FMNL2: variants seen among roughly 807,000 people sequenced by gnomAD.
FMNL2 encodes the protein formin-like protein 2.
FMNL2 carries 51 observed loss-of-function variants against 130.2 expected under a neutral mutation model. That is an observed-to-expected ratio of 0.39 (90% CI 0.31 to 0.49). The LOEUF is 0.49. FMNL2 is among the 20% of genes least tolerant of loss of function. The pLI, the probability that FMNL2 is intolerant of heterozygous loss-of-function variation, is 0.85. For missense variants in FMNL2, 977 were observed against 1,316.2 expected (o/e 0.74, Z 3.99); for synonymous variants, 465 against 467.1 (o/e 1.00, Z 0.06).
chr2:152,355,664 C>A lies in FMNL2; in HGVS notation c.117+19944C>A, dbSNP rs548357653. Among the ~76,000 whole-genome samples, 12 of 152,294 alleles carry A rather than the reference C, an allele frequency of 7.9e-5. No homozygotes were observed. In the South Asian group the frequency reaches 2.5e-3, roughly 32 times the overall value. On this transcript the variant is annotated intron_variant, in intron 1 of 25. Coordinates refer to ENST00000288670, the MANE Select transcript of FMNL2 (RefSeq NM_052905.4). ...CCTTTTCATCTCTCTTTTGTACAGG[C>A]CTTCTTTCCTTCTGTGCAAACAGAC...
intron 9 of FMNL2, among the ~76,000 whole-genome samples, chr2:152,596,250 A>G (rs1200198537): frequency 6.6e-6 from 1 of 152,090 alleles, no homozygotes. Context: ...GGCATGAGCC[A>G]CTGAGCCCGG....
At chr2:152,413,954 T>G (rs961333301) in intron 1 of FMNL2, among the ~76,000 whole-genome samples, 2 of 152,222 alleles carry the variant, frequency 1.3e-5, no homozygotes, top group Non-Finnish European at 2.9e-5. Flanking sequence ...TTCTTCTTCC[T>G]CACTGTCTTT....
At chr2:152,460,708 T>G (rs923976164) in intron 1 of FMNL2, among the ~76,000 whole-genome samples, 10 of 152,266 alleles carry the variant, frequency 6.6e-5, no homozygotes, top group African/African-American at 2.2e-4. Context: ...CAGCATTAGA[T>G]TCTCATAGGA....
intron 1 of FMNL2, among the ~76,000 whole-genome samples, chr2:152,370,828 T>TA (rs1245287880): frequency 1.3e-5 from 2 of 152,226 alleles, no homozygotes; most frequent in Non-Finnish European, 2.9e-5. Flanking sequence ...GGCTTAAAAC[T>TA]ATGGTAAATA....
intron 1 of FMNL2, among the ~76,000 whole-genome samples, chr2:152,412,482 A>G (rs1245322533): frequency 1.1e-5 from 1 of 90,034 alleles, no homozygotes; most frequent in Non-Finnish European, 2.1e-5. Context: ...ATATATATAT[A>G]TATATATATA....
chr2:152,563,688 T>G (rs1695656495), intron 6 of FMNL2, among the ~76,000 whole-genome samples: 1 of 152,162 alleles, frequency 6.6e-6, no homozygotes, highest in African/African-American at 2.4e-5. Flanking sequence ...GCTTTCTTTT[T>G]ACCATCCTCC....
At chr2:152,520,086 T>G (rs957988691) in intron 1 of FMNL2, among the ~76,000 whole-genome samples, 1 of 152,198 alleles carries the variant, frequency 6.6e-6, no homozygotes, top group African/African-American at 2.4e-5. Flanking sequence ...GAGTTTTTTT[T>G]TAACATTGTC....
intron 1 of FMNL2, among the ~76,000 whole-genome samples, chr2:152,351,444 T>A (rs4664571): frequency 0.091 from 13,886 of 152,252 alleles, 740 homozygotes; most frequent in African/African-American, 0.15. Flanking sequence ...GAGTGAGAAC[T>A]TGTGGCATTT....
At chr2:152,541,472 G>A (rs972327853) in intron 2 of FMNL2, among the ~76,000 whole-genome samples, 1 of 152,010 alleles carries the variant, frequency 6.6e-6, no homozygotes, top group South Asian at 2.1e-4. Context: ...AGTTAAGCCC[G>A]AGAACCAGCA....
At chr2:152,525,735 G>A (rs1479581568) in intron 2 of FMNL2, among the ~76,000 whole-genome samples, 2 of 152,176 alleles carry the variant, frequency 1.3e-5, no homozygotes, top group African/African-American at 4.8e-5. Flanking sequence ...AGGTCAGACT[G>A]CATCTCTCCA....
intron 20 of FMNL2, 113 bp from the exon 21 acceptor site, chr2:152,631,895 G>T: frequency 8.3e-7 from 1 of 1,197,726 alleles, no homozygotes; most frequent in Non-Finnish European, 1.1e-6. Flanking sequence ...GCTCCAGCCT[G>T]TTGGGCGACT....
rs140675991 is a variant in FMNL2 at position 152,429,766 on chromosome 2, A to G, written c.118-92177A>G. ...AATTGACACAGTATGATGGGGATCT[A>G]AGACCTGCTTTTGTGCCTGGGAGCC... On this transcript the variant is annotated intron_variant, in intron 1 of 25. Transcript: ENST00000288670. Among the ~76,000 whole-genome samples, 678 of 152,324 alleles carry G rather than the reference A, an allele frequency of 4.5e-3. 5 individuals carry two copies. The highest frequency in any genetic ancestry group is 0.015 in the African/African-American group (641 of 41,580).
chr2:152,455,612 A>G (rs904400397), intron 1 of FMNL2, among the ~76,000 whole-genome samples: 1 of 152,236 alleles, frequency 6.6e-6, no homozygotes, highest in Non-Finnish European at 1.5e-5. Context: ...TGAATACAAC[A>G]CAGTTCTTCA....
chr2:152,472,425 C>T (rs1322787411), intron 1 of FMNL2, among the ~76,000 whole-genome samples: 1 of 151,998 alleles, frequency 6.6e-6, no homozygotes, highest in Admixed American at 6.6e-5. Context: ...TTTAAAAGAA[C>T]TCATTTTATT....
chr2:152,530,583 C>T (rs1029517539), intron 2 of FMNL2, among the ~76,000 whole-genome samples: 6 of 152,164 alleles, frequency 3.9e-5, no homozygotes, highest in African/African-American at 4.8e-5. Flanking sequence ...AAGACCACCA[C>T]GCTTCAGAAA....
At chr2:152,525,892 C>T (rs1324626500) in intron 2 of FMNL2, among the ~76,000 whole-genome samples, 2 of 152,098 alleles carry the variant, frequency 1.3e-5, no homozygotes, top group Non-Finnish European at 2.9e-5. Context: ...TGACCCATAC[C>T]ATATACATGT....
At chr2:152,578,799 T>G in intron 7 of FMNL2, 89 bp from the exon 8 acceptor site, 1 of 988,994 alleles carries the variant, frequency 1.0e-6, no homozygotes, top group East Asian at 2.6e-5. Flanking sequence ...GGTAGATACT[T>G]CGGGTTTTTG....
At chr2:152,496,003 T>TAAA (rs10624832) in intron 1 of FMNL2, among the ~76,000 whole-genome samples, 10 of 151,976 alleles carry the variant, frequency 6.6e-5, no homozygotes, top group African/African-American at 2.2e-4. Flanking sequence ...ATTTCAGACT[T>TAAA]AAAAAAAGTT....
intron 1 of FMNL2, among the ~76,000 whole-genome samples, chr2:152,398,543 A>T (rs1269298216): frequency 6.6e-6 from 1 of 152,210 alleles, no homozygotes; most frequent in Non-Finnish European, 1.5e-5. Context: ...ATTAACATTC[A>T]ACTGATTTTT....
Sources: gnomAD v4.1 joint callset for allele counts (sites outside exome capture counted in the v4.1 genomes callset) on GRCh38, gnomAD v4.1.1 for gene constraint, MANE v1.5 for transcripts, NCBI Gene and HGNC (gene_info 2026-07-23, HGNC 2026-07-21) for gene names.